Variants in MYH10 observed in about 807,000 individuals in gnomAD.
MYH10 encodes myosin heavy chain 10, also known as myosin-10.
A neutral mutation model predicts 257.8 loss-of-function variants in MYH10; 55 were observed. The observed-to-expected ratio is 0.21, with a 90% CI of 0.17 to 0.27. The LOEUF (loss-of-function observed/expected upper bound fraction) is 0.27, where lower values mean the gene tolerates loss of function less well. Among genes scored for constraint, MYH10 ranks in the 10% least tolerant of loss-of-function variants. MYH10 has a pLI of 1.00. For synonymous variants in MYH10, 854 were observed against 921.7 expected, an observed-to-expected ratio of 0.93 and a Z score of 1.33; for missense variants, 1,631 against 2,500.6, an observed-to-expected ratio of 0.65 and a Z score of 7.42.
chr17:8,486,499 A>C (rs931920314), intron 36 of MYH10, among the ~76,000 whole-genome samples: 3 of 148,684 alleles, frequency 2.0e-5, no homozygotes, highest in Non-Finnish European at 3.0e-5. Context: ...CTGAGACTCT[A>C]TCTCTGGGAA....
chr17:8,531,462 T>C (rs576529690), intron 16 of MYH10, among the ~76,000 whole-genome samples: 20 of 152,202 alleles, frequency 1.3e-4, no homozygotes, highest in Admixed American at 2.6e-4. Flanking sequence ...TATAAATCTC[T>C]AGGGCAGGGC....
At chr17:8,573,392 C>A (rs559166863) in intron 6 of MYH10, among the ~76,000 whole-genome samples, 6 of 152,196 alleles carry the variant, frequency 3.9e-5, no homozygotes, top group Non-Finnish European at 8.8e-5. Context: ...GGCTCTCTAT[C>A]ACCTTTCTGT....
chr17:8,620,958 A>C (rs1007445991), intron 2 of MYH10, among the ~76,000 whole-genome samples: 6 of 152,242 alleles, frequency 3.9e-5, no homozygotes, highest in African/African-American at 1.4e-4. Flanking sequence ...AAAATCCAAC[A>C]AACTCAGTAA....
In MYH10 at chr17:8,480,121, C is replaced by T. The variant is rs1469922779; in HGVS notation, c.5586G>A (p.Glu1862=). The change falls in exon 40 of 43, where the codon GAG becomes GAA. Residue 1862 remains glutamate, a synonymous_variant. Transcript: ENST00000360416. ...AKIGQLEEQL[E]QEAKERAAAN... is the part of the protein sequence containing the mutation. ...CAAAAACCTCTTACTTGGCTTCCTGCTCAAGCTGCTCCTCCAGCTGCCCAA... is the reference window on the plus strand; with the variant it reads ...CAAAAACCTCTTACTTGGCTTCCTGTTCAAGCTGCTCCTCCAGCTGCCCAA... The T allele has an allele frequency of 1.1e-5, 18 of 1,614,038 alleles. No individual in the cohort carries two copies. The highest frequency in any genetic ancestry group is 2.7e-5 in the African/African-American group (2 of 74,946).
chr17:8,623,459 A>C, intron 1 of MYH10, 182 bp from the exon 2 acceptor site: 1 of 400,686 alleles, frequency 2.5e-6, no homozygotes, highest in Non-Finnish European at 4.1e-6. Flanking sequence ...GTGACCACAA[A>C]TTATGGCTCT....
intron 6 of MYH10, among the ~76,000 whole-genome samples, chr17:8,571,827 C>A (rs542101591): frequency 6.6e-6 from 1 of 152,120 alleles, no homozygotes; most frequent in Non-Finnish European, 1.5e-5. Context: ...CCTCCACCCC[C>A]CCGGGGTCAG....
At chr17:8,560,789 C>A (rs2082965599) in intron 7 of MYH10, 1 of 597,974 alleles carries the variant, frequency 1.7e-6, no homozygotes. Flanking sequence ...TGGCCCGACA[C>A]AAATGGTTCC....
At chr17:8,627,760 C>T (rs2085739085) in intron 1 of MYH10, among the ~76,000 whole-genome samples, 1 of 152,172 alleles carries the variant, frequency 6.6e-6, no homozygotes, top group Non-Finnish European at 1.5e-5. Flanking sequence ...CAGCAGATAC[C>T]ATTGTCATAT....
intron 3 of MYH10, among the ~76,000 whole-genome samples, chr17:8,603,525 T>C (rs2084687650): frequency 6.6e-6 from 1 of 152,186 alleles, no homozygotes; most frequent in South Asian, 2.1e-4. Flanking sequence ...TTGTGAGATG[T>C]TATCTGTTTA....
intron 7 of MYH10, among the ~76,000 whole-genome samples, chr17:8,559,874 T>G (rs2082926850): frequency 6.6e-6 from 1 of 152,148 alleles, no homozygotes; most frequent in Non-Finnish European, 1.5e-5. Flanking sequence ...ACTACCTCAT[T>G]GAGTTAATAA....
chr17:8,614,881 G>A (rs1020833260), intron 2 of MYH10, among the ~76,000 whole-genome samples: 1 of 152,050 alleles, frequency 6.6e-6, no homozygotes, highest in African/African-American at 2.4e-5. Context: ...TCAGTATCAG[G>A]AATAAAAGAA....
At position 8,569,826 on chromosome 17, in the gene MYH10, C is replaced by G; in HGVS notation, c.664-14G>C. 6.4e-7 allele frequency: 1 copy of G among 1,568,208 alleles called. No individual in the cohort carries two copies. Among genetic ancestry groups the G allele is most frequent in the Non-Finnish European group, 8.7e-7 (1 of 1,146,844 alleles). On this transcript the variant is annotated splice_polypyrimidine_tract_variant and intron_variant, in intron 6 of 42. Transcript: ENST00000360416. The surrounding 1 kb of genome is among the most constrained non-coding windows in gnomAD (Gnocchi z 4.1). ...TTCAAGTTCCCCCTAAAAGACATTACACACACACAAATAAAAGCAGATGTA... is the reference window on the plus strand; with the variant it reads ...TTCAAGTTCCCCCTAAAAGACATTAGACACACACAAATAAAAGCAGATGTA...
At chr17:8,524,658 G>A (rs977545595) in intron 17 of MYH10, among the ~76,000 whole-genome samples, 5 of 151,926 alleles carry the variant, frequency 3.3e-5, no homozygotes, top group African/African-American at 1.2e-4. Context: ...TGCCCTTGCT[G>A]GGCTCCTGCT....
intron 11 of MYH10, 68 bp downstream of exon 11, chr17:8,548,245 T>C (rs2082507580): frequency 4.0e-6 from 5 of 1,256,950 alleles, no homozygotes; most frequent in South Asian, 1.3e-5. Context: ...ACGCTTGCAC[T>C]GTAACACCTT....
Position 8,591,781 on chromosome 17 carries a change from T to C in MYH10, c.503-2673A>G, listed in dbSNP as rs117438165. Among the ~76,000 whole-genome samples the C allele has an allele frequency of 7.2e-5, 11 of 152,266 alleles. No individual in the cohort carries two copies. In the East Asian group the frequency reaches 2.1e-3, roughly 29 times the overall value. ...ACGCTTCTTGCTATCCCACCCCCTG[T>C]CAAACAACAACAAAAAACCAACTCT... On this transcript the variant is annotated intron_variant, in intron 3 of 42. Coordinates refer to ENST00000360416, the MANE Select transcript of MYH10 (RefSeq NM_001256012.3).
chr17:8,571,182 T>TG (rs1473656372), intron 6 of MYH10, among the ~76,000 whole-genome samples: 3 of 144,452 alleles, frequency 2.1e-5, no homozygotes, highest in Non-Finnish European at 1.5e-5. Flanking sequence ...AGTTTTTGTT[T>TG]TTTTTTTTTT....
At position 8,475,772 on chromosome 17, in the gene MYH10, C is replaced by T; in HGVS notation, c.*32G>A. The T allele has an allele frequency of 6.2e-7, 1 of 1,607,538 alleles. No individual in the cohort carries two copies. Among genetic ancestry groups the T allele is most frequent in the Non-Finnish European group, 8.5e-7 (1 of 1,175,776 alleles). Reference sequence around the variant, plus strand: ...GCCCCGGGTGCATTCCTAACTGTCCCACTGTATTGCCTCCTCTGGCTTCCT... The same window carrying T: ...GCCCCGGGTGCATTCCTAACTGTCCTACTGTATTGCCTCCTCTGGCTTCCT... On this transcript the variant is annotated 3_prime_UTR_variant, in exon 43 of 43. Transcript: ENST00000360416.
chr17:8,517,097 C>T (rs1399437553), intron 21 of MYH10, among the ~76,000 whole-genome samples: 3 of 152,022 alleles, frequency 2.0e-5, no homozygotes, highest in African/African-American at 2.4e-5. Context: ...GCCGAGGTCG[C>T]GCCACTGCAC....
intron 2 of MYH10, among the ~76,000 whole-genome samples, chr17:8,613,667 G>A (rs192167110): frequency 4.5e-4 from 68 of 152,290 alleles, no homozygotes; most frequent in African/African-American, 1.5e-3. Context: ...TAAACATAGA[G>A]CGGGTAGGAT....
Sources: allele counts gnomAD v4.1 joint callset (sites outside exome capture counted in the v4.1 genomes callset), GRCh38; gene constraint gnomAD v4.1.1; non-coding constraint Gnocchi (gnomAD v3.1); transcripts MANE v1.5; gene names NCBI Gene and HGNC (gene_info 2026-07-23, HGNC 2026-07-21).